The following PSMD13 variants were observed in gnomAD, a reference collection of about 807,000 sequenced individuals.
The protein encoded by PSMD13 is 26S proteasome non-ATPase regulatory subunit 13.
Under a neutral mutation model 57.4 loss-of-function variants are expected in PSMD13, and 8 were observed. That is an observed-to-expected ratio of 0.14 (90% CI 0.08 to 0.25). The LOEUF is 0.25. PSMD13 is among the 10% of genes least tolerant of loss of function. The probability of loss-of-function intolerance (pLI) is 1.00; values close to 1 mark genes in which losing one functional copy is unlikely to be tolerated. For missense variants in PSMD13, 400 were observed against 461.5 expected (o/e 0.87, Z 1.22); for synonymous variants, 193 against 168.2 (o/e 1.15, Z -1.14).
chr11:242,858 C>T (rs1386096626), intron 2 of PSMD13, among the ~76,000 whole-genome samples: 1 of 152,096 alleles, frequency 6.6e-6, no homozygotes, highest in Non-Finnish European at 1.5e-5. Flanking sequence ...TGCAATGGCA[C>T]AATCTCAGCT....
rs150677043 is a variant in PSMD13 at position 247,700 on chromosome 11, G to A, written c.568+252G>A. 2.2e-4 allele frequency: 65 copies of A among 299,736 alleles called. 2 individuals are homozygous for A. The highest frequency in any genetic ancestry group is 1.4e-3 in the African/African-American group (61 of 45,114). 18.6% of individuals were successfully genotyped at this position (299,736 alleles called of 1,614,324 possible). On this transcript the variant is annotated intron_variant, in intron 7 of 12. Transcript: ENST00000532097. ...TACAAAAAACTAGCCAGGTGTGATG[G>A]TGGGTGCCTGTAATCCCAGTTACTC... is the stretch of plus-strand genomic sequence containing the variant.
In PSMD13 at chr11:252,435, G is replaced by A. The variant is rs1859782333; in HGVS notation, c.1036-70G>A. 1.1e-5 allele frequency: 15 copies of A among 1,421,948 alleles called. No homozygotes were observed. The highest frequency in any genetic ancestry group is 1.5e-5 in the Non-Finnish European group (15 of 1,007,222). The allele number at this position is 1,421,948 out of a possible 1,614,324, so 88.1% of individuals were successfully genotyped here. ...GAGATGTAGAGTCACCCCATCAGGT[G>A]CTGTGCCGGCCGCTCGGCCTGTGTC... On this transcript the variant is annotated intron_variant, in intron 12 of 12. Coordinates refer to ENST00000532097, the MANE Select transcript of PSMD13 (RefSeq NM_002817.4). The surrounding 1 kb of genome is among the most constrained non-coding windows in gnomAD (Gnocchi z 4.1).
Position 251,710 on chromosome 11 carries a change from T to C in PSMD13, c.918+84T>C. 2 of 1,536,924 alleles carry C rather than the reference T, an allele frequency of 1.3e-6. No individual in the cohort carries two copies. The highest frequency in any genetic ancestry group is 1.8e-6 in the Non-Finnish European group (2 of 1,113,978). On this transcript the variant is annotated intron_variant, in intron 11 of 12. Coordinates refer to ENST00000532097, the MANE Select transcript of PSMD13 (RefSeq NM_002817.4). This position sits in a 1 kb window ranked among gnomAD's most constrained non-coding sequence, Gnocchi z 4.6. ...GCTCTTGTGTGAGCGCTGTGCTCCC[T>C]AGACAGTAAAAAATGACGGGAGGAG...
intron 1 of PSMD13, 63 bp downstream of exon 1, chr11:237,207 G>T (rs1405803750): frequency 1.3e-6 from 2 of 1,490,760 alleles, no homozygotes; most frequent in Admixed American, 2.0e-5. Context: ...GGGCAGGCGG[G>T]CGGAGGAGCG....
At chr11:246,270 G>T (rs1303932252) in intron 6 of PSMD13, among the ~76,000 whole-genome samples, 1 of 152,182 alleles carries the variant, frequency 6.6e-6, no homozygotes, top group African/African-American at 2.4e-5. Flanking sequence ...TTGGGAGGCT[G>T]AGGCAGGTGG....
intron 2 of PSMD13, chr11:243,168 T>C: frequency 1.6e-6 from 1 of 625,768 alleles, no homozygotes; most frequent in East Asian, 3.1e-5. Context: ...TCCTGTTTTT[T>C]TGTGTCCTTG....
rs546638726 is a variant in PSMD13 at position 247,840 on chromosome 11, C to T, written c.568+392C>T. ...AGAGCGAGACTCCATCTCATCCAAACAAAAAAGAAATTACTCAGATGGATT... is the reference window on the plus strand; with the variant it reads ...AGAGCGAGACTCCATCTCATCCAAATAAAAAAGAAATTACTCAGATGGATT... On this transcript the variant is annotated intron_variant, in intron 7 of 12. Transcript: ENST00000532097. The T allele has an allele frequency of 8.9e-5, 14 of 156,462 alleles. No homozygotes were observed. The South Asian group carries it at 2.5e-3, about 28-fold the overall frequency. 9.7% of individuals were successfully genotyped at this position (156,462 alleles called of 1,614,324 possible).
intron 6 of PSMD13, among the ~76,000 whole-genome samples, chr11:245,488 A>G (rs1304832671): frequency 6.6e-6 from 1 of 152,170 alleles, no homozygotes; most frequent in Non-Finnish European, 1.5e-5. Context: ...CTATTTCTCC[A>G]TCTTCCTTCT....
At chr11:250,379 C>G (rs1049457829) in intron 9 of PSMD13, among the ~76,000 whole-genome samples, 4 of 152,176 alleles carry the variant, frequency 2.6e-5, no homozygotes, top group Non-Finnish European at 4.4e-5. Context: ...CTTAAGGAAG[C>G]TTTTCCTCAG....
intron 7 of PSMD13, 55 bp downstream of exon 7, chr11:247,503 A>G: frequency 6.4e-7 from 1 of 1,568,776 alleles, no homozygotes; most frequent in Non-Finnish European, 8.7e-7. Context: ...CAAACTTAGC[A>G]TCTGTGAGTT....
At position 249,113 on chromosome 11, in the gene PSMD13, A is replaced by G. The variant is rs141356124; in HGVS notation, c.774+56A>G. ...CCCCCATGTATCTACTCGCTCATACAACAGATGTTCATTGAGCGTCTTCCC... is the reference window on the plus strand; with the variant it reads ...CCCCCATGTATCTACTCGCTCATACGACAGATGTTCATTGAGCGTCTTCCC... On this transcript the variant is annotated intron_variant, in intron 9 of 12. Coordinates refer to ENST00000532097, the MANE Select transcript of PSMD13 (RefSeq NM_002817.4). 1.9e-4 allele frequency: 311 copies of G among 1,598,648 alleles called. No individual in the cohort carries two copies. In the African/African-American group the frequency reaches 3.8e-3, roughly 20 times the overall value.
chr11:241,409 A>G (rs1859511728), intron 2 of PSMD13, among the ~76,000 whole-genome samples: 1 of 152,220 alleles, frequency 6.6e-6, no homozygotes, highest in African/African-American at 2.4e-5. Context: ...AAAGTGCTAC[A>G]TAACAGACGT....
chr11:238,131 C>G (rs775561274), intron 1 of PSMD13, among the ~76,000 whole-genome samples: 1 of 152,190 alleles, frequency 6.6e-6, no homozygotes, highest in East Asian at 1.9e-4. Flanking sequence ...ATGTCACTGT[C>G]CCTGAGGTTT....
intron 2 of PSMD13, chr11:243,481 A>T: frequency 3.3e-6 from 1 of 300,428 alleles, no homozygotes; most frequent in Non-Finnish European, 6.6e-6. Context: ...ATACAAATAA[A>T]CCTGAACATA....
rs1342226090 is a variant in PSMD13, at chr11:251,369, T to C, written c.838-177T>C. The C allele has an allele frequency of 1.3e-5, 8 of 604,626 alleles. No individual in the cohort carries two copies. Among genetic ancestry groups the C allele is most frequent in the Admixed American group, 1.2e-4 (4 of 32,284 alleles). 37.5% of individuals were successfully genotyped at this position (604,626 alleles called of 1,614,324 possible). A position where few individuals can be genotyped will look rare whatever the true frequency, so the allele number is the denominator to read the frequency against. On this transcript the variant is annotated intron_variant, in intron 10 of 12. Transcript: ENST00000532097. This position sits in a 1 kb window ranked among gnomAD's most constrained non-coding sequence, Gnocchi z 4.6. ...AGGCATTTTGCTGTTATCCTTCTTA[T>C]CTAAGCATTAAAAGCTTGTTCTTAA...
chr11:243,912 G>A (rs1481216662), intron 2 of PSMD13, 129 bp from the exon 3 acceptor site: 10 of 827,808 alleles, frequency 1.2e-5, no homozygotes, highest in Non-Finnish European at 1.9e-5. Context: ...TGTGTGCTGG[G>A]CACTGTGGCT....
Position 251,672 on chromosome 11 carries a change from T to G in PSMD13, c.918+46T>G. 1.1e-5 allele frequency: 18 copies of G among 1,575,990 alleles called. No homozygotes were observed. Among genetic ancestry groups the G allele is most frequent in the Non-Finnish European group, 1.6e-5 (18 of 1,147,468 alleles). On this transcript the variant is annotated intron_variant, in intron 11 of 12. Coordinates refer to ENST00000532097, the MANE Select transcript of PSMD13 (RefSeq NM_002817.4). The surrounding 1 kb of genome is among the most constrained non-coding windows in gnomAD (Gnocchi z 4.6). ...GTGTTAGAGCAGCAAAGCTGCCACATGGAGGAGTCAAGGCTCTTGTGTGAG... is the reference window on the plus strand; with the variant it reads ...GTGTTAGAGCAGCAAAGCTGCCACAGGGAGGAGTCAAGGCTCTTGTGTGAG...
intron 2 of PSMD13, among the ~76,000 whole-genome samples, chr11:241,468 C>G (rs1331049552): frequency 6.6e-6 from 1 of 152,192 alleles, no homozygotes; most frequent in Non-Finnish European, 1.5e-5. Flanking sequence ...TTGACTGTTT[C>G]TTGTGTGCCT....
At chr11:240,100 G>GTTTTTTTTT (rs1564820130) in intron 2 of PSMD13, among the ~76,000 whole-genome samples, 1 of 44,484 alleles carries the variant, frequency 2.2e-5, no homozygotes, top group African/African-American at 6.1e-5. Flanking sequence ...AATGAGACCT[G>GTTTTTTTTT]CTTTTTTTTT....
Sources: allele counts gnomAD v4.1 joint callset (sites outside exome capture counted in the v4.1 genomes callset), GRCh38; gene constraint gnomAD v4.1.1; non-coding constraint Gnocchi (gnomAD v3.1); transcripts MANE v1.5; gene names NCBI Gene and HGNC (gene_info 2026-07-23, HGNC 2026-07-21).